The following NDUFA11 variants were observed in gnomAD, a reference collection of about 807,000 sequenced individuals.
NDUFA11 encodes the protein NADH:ubiquinone oxidoreductase subunit A11.
A neutral mutation model predicts 11.3 loss-of-function variants in NDUFA11; 14 were observed. The ratio of observed to expected loss-of-function variants is 1.24; its 90% confidence interval spans 0.82 to 1.94. NDUFA11 has a LOEUF of 1.94. NDUFA11 is among the 30% of genes most tolerant of loss of function. The pLI, the probability that NDUFA11 is intolerant of heterozygous loss-of-function variation, is 0.00. For missense variants in NDUFA11, 204 were observed against 200.3 expected, an observed-to-expected ratio of 1.02 and a Z score of -0.11; for synonymous variants, 87 against 85.6, an observed-to-expected ratio of 1.02 and a Z score of -0.09.
intron 1 of NDUFA11, among the ~76,000 whole-genome samples, chr19:5,897,995 C>T (rs912257407): frequency 6.6e-6 from 1 of 152,240 alleles, no homozygotes; most frequent in African/African-American, 2.4e-5. Context: ...AAACATAGCC[C>T]AGTTGCAGGC....
intron 1 of NDUFA11, 97 bp downstream of exon 1, chr19:5,903,515 G>C (rs564654238): frequency 6.1e-5 from 73 of 1,188,744 alleles, no homozygotes; most frequent in Non-Finnish European, 6.1e-5. Context: ...GCGTACCCGC[G>C]AGACTCCCAG....
intron 1 of NDUFA11, among the ~76,000 whole-genome samples, chr19:5,901,801 C>G (rs1210434499): frequency 6.6e-6 from 1 of 151,432 alleles, no homozygotes; most frequent in African/African-American, 2.4e-5. Context: ...TCCTGAGTAT[C>G]TGGGACTACA....
intron 1 of NDUFA11, among the ~76,000 whole-genome samples, chr19:5,897,857 A>G (rs942485783): frequency 2.0e-5 from 3 of 152,168 alleles, no homozygotes; most frequent in African/African-American, 2.4e-5. Flanking sequence ...ACGTCCTCCC[A>G]GAGCCCGCCC....
rs1446827275 is a variant in NDUFA11, at chr19:5,894,847, G to C, written c.321C>G (p.Asn107Lys). 3 of 1,605,414 alleles carry C rather than the reference G, an allele frequency of 1.9e-6. No homozygotes were observed. Among genetic ancestry groups the C allele is most frequent in the Non-Finnish European group, 2.6e-6 (3 of 1,175,866 alleles). The change falls in exon 4 of 4, where the codon AAC (asparagine) becomes AAG (lysine). Residue 107 changes from asparagine to lysine, a missense_variant. Physicochemically the swap from Asn to Lys is moderately conservative, Grantham distance 94. Coordinates refer to ENST00000308961, the MANE Select transcript of NDUFA11 (RefSeq NM_175614.5). ...CGCAGGCGGCGGCGCCAATCCCGTA[G>C]TTGTGCGCTGTGGGAGTGGGGAGGT... ...GGLTLGARTH[N>K]YGIGAAACVY...
chr19:5,895,031 G>T, intron 3 of NDUFA11, 177 bp from the exon 4 acceptor site: 2 of 740,976 alleles, frequency 2.7e-6, no homozygotes, highest in Non-Finnish European at 4.3e-6. Flanking sequence ...GGAAACTGAT[G>T]CACAGAGGGA....
chr19:5,902,642 G>A (rs1463517368), intron 1 of NDUFA11: 3 of 152,324 alleles, frequency 2.0e-5, no homozygotes, highest in Non-Finnish European at 4.4e-5. Context: ...ACCTGTGGCT[G>A]AGAATTAAAG....
chr19:5,897,533 C>T (rs570747670), intron 1 of NDUFA11, among the ~76,000 whole-genome samples: 168 of 152,300 alleles, frequency 1.1e-3, no homozygotes, highest in African/African-American at 3.4e-3. Flanking sequence ...CCCTGCCTGG[C>T]TGCCAACGCC....
intron 1 of NDUFA11, among the ~76,000 whole-genome samples, chr19:5,900,910 C>CAAAA (rs1305134254): frequency 1.9e-4 from 10 of 51,644 alleles, no homozygotes; most frequent in African/African-American, 5.7e-4. Flanking sequence ...GACTCCGTCT[C>CAAAA]AAAAAAAAAA....
In NDUFA11 at chr19:5,899,279, A is replaced by G. The variant is rs1599695067; in HGVS notation, c.98-2282T>C. ...ATTCTCCTGCCTCAGCCTCCCGAGT[A>G]GCTGGGACTACAGGCGCCCGCCACC... On this transcript the variant is annotated intron_variant, in intron 1 of 3. Coordinates refer to ENST00000308961, the MANE Select transcript of NDUFA11 (RefSeq NM_175614.5). Among the ~76,000 whole-genome samples the G allele has an allele frequency of 2.0e-5, 3 of 149,442 alleles. No homozygotes were observed. In the South Asian group the frequency reaches 6.3e-4, roughly 31 times the overall value.
chr19:5,896,134 C>T lies in NDUFA11; in HGVS notation c.313+319G>A, dbSNP rs1176406429. 1.2e-5 allele frequency: 7 copies of T among 570,216 alleles called. No individual in the cohort carries two copies. Among genetic ancestry groups the T allele is most frequent in the Non-Finnish European group, 1.9e-5 (6 of 321,988 alleles). The allele number at this position is 570,216 out of a possible 1,614,324, so 35.3% of individuals were successfully genotyped here. ...GTGGTCAGGACAGTGAGGGGAACAG[C>T]ATTCCACGCAGTGCACTGCCCATGC... On this transcript the variant is annotated intron_variant, in intron 3 of 3. Transcript: ENST00000308961. The surrounding 1 kb of genome is among the most constrained non-coding windows in gnomAD (Gnocchi z 5.8).
In NDUFA11 at chr19:5,896,576, C is replaced by T; in HGVS notation, c.191-1G>A. 6.4e-7 allele frequency: 1 copy of T among 1,564,328 alleles called. No homozygotes were observed. The highest frequency in any genetic ancestry group is 8.7e-7 in the Non-Finnish European group (1 of 1,155,250). On this transcript the variant is annotated splice_acceptor_variant, in intron 2 of 3. Coordinates refer to ENST00000308961, the MANE Select transcript of NDUFA11 (RefSeq NM_175614.5). LOFTEE classifies it high-confidence loss of function. The surrounding 1 kb of genome is among the most constrained non-coding windows in gnomAD (Gnocchi z 5.8). The stretch of plus-strand genomic sequence containing the variant: ...AGGCCAAACACGGCCCCGACAGCAG[C>T]TGCGGGGTAGACGGGAAGAGCAAGG...
intron 1 of NDUFA11, among the ~76,000 whole-genome samples, chr19:5,897,447 G>A (rs2057617673): frequency 6.6e-6 from 1 of 152,154 alleles, no homozygotes; most frequent in Admixed American, 6.5e-5. Flanking sequence ...CCAGCTCCAG[G>A]TTCCCATCAA....
chr19:5,902,756 C>A (rs1415155322), intron 1 of NDUFA11: 1 of 152,544 alleles, frequency 6.6e-6, no homozygotes, highest in African/African-American at 2.4e-5. Context: ...CGCCTGTAAT[C>A]CCAGCACTTT....
downstream of NDUFA11, chr19:5,892,958 C>T (rs999483575): frequency 6.7e-7 from 1 of 1,489,904 alleles, no homozygotes; most frequent in East Asian, 2.5e-5. Context: ...AACAATGACT[C>T]TATTAGGGCT....
chr19:5,892,745 G>A (rs1426143667), downstream of NDUFA11: 2 of 876,852 alleles, frequency 2.3e-6, no homozygotes, highest in Non-Finnish European at 3.2e-6. Context: ...AGTAGAGACA[G>A]AGGCCGGTGC....
chr19:5,893,285 C>A (rs951576988), downstream of NDUFA11: 16 of 1,198,052 alleles, frequency 1.3e-5, no homozygotes, highest in Non-Finnish European at 1.9e-5. This position sits in a 1 kb window ranked among gnomAD's most constrained non-coding sequence, Gnocchi z 4.1. Context: ...CAGTGAGATC[C>A]TGTCTCTACA....
At position 5,894,825 on chromosome 19, in the gene NDUFA11, A is replaced by G; in HGVS notation, c.343T>C (p.Cys115Arg). The change falls in exon 4 of 4, where the codon TGC becomes CGC. Residue 115 changes from cysteine to arginine, a missense_variant. Physicochemically the swap from Cys to Arg is radical, Grantham distance 180 (BLOSUM62 -3). Transcript: ENST00000308961. ...THNYGIGAAA[C>R]VYFGIAASLV... ...GAGGCCGCTATGCCAAAGTACACGC[A>G]GGCGGCGGCGCCAATCCCGTAGTTG... The G allele has an allele frequency of 6.2e-7, 1 of 1,612,386 alleles. No individual in the cohort carries two copies. Among genetic ancestry groups the G allele is most frequent in the Non-Finnish European group, 8.5e-7 (1 of 1,179,310 alleles).
chr19:5,893,273 C>T, downstream of NDUFA11: 1 of 1,286,194 alleles, frequency 7.8e-7, no homozygotes, highest in Non-Finnish European at 1.1e-6. The surrounding 1 kb of genome is among the most constrained non-coding windows in gnomAD (Gnocchi z 4.1). Context: ...GCCTGCACAA[C>T]ACAGTGAGAT....
At position 5,896,369 on chromosome 19, in the gene NDUFA11, A is replaced by G. The variant is rs1254475680; in HGVS notation, c.313+84T>C. 7.3e-7 allele frequency: 1 copy of G among 1,378,330 alleles called. No individual in the cohort carries two copies. The highest frequency in any genetic ancestry group is 1.5e-5 in the African/African-American group (1 of 67,420). The allele number at this position is 1,378,330 out of a possible 1,614,324, so 85.4% of individuals were successfully genotyped here. A position where few individuals can be genotyped will look rare whatever the true frequency, so the allele number is the denominator to read the frequency against. ...TGCTTTACTTCTTGTCCGGGATGGA[A>G]CAGAGAGGGTGGAGGATGAGCAGAG... On this transcript the variant is annotated intron_variant, in intron 3 of 3. Coordinates refer to ENST00000308961, the MANE Select transcript of NDUFA11 (RefSeq NM_175614.5). This position sits in a 1 kb window ranked among gnomAD's most constrained non-coding sequence, Gnocchi z 5.8.
Sources: gnomAD v4.1 joint callset for allele counts (sites outside exome capture counted in the v4.1 genomes callset) on GRCh38, gnomAD v4.1.1 for gene constraint, Gnocchi (gnomAD v3.1) non-coding constraint, MANE v1.5 for transcripts, NCBI Gene and HGNC (gene_info 2026-07-23, HGNC 2026-07-21) for gene names.